The following EIF4G1 variants were observed in gnomAD, a reference collection of about 807,000 sequenced individuals.
EIF4G1 encodes EIF4-gamma.
EIF4G1 carries 4 observed loss-of-function variants against 187.8 expected under a neutral mutation model. The observed-to-expected ratio is 0.02, with a 90% CI of 0.01 to 0.05. The LOEUF (loss-of-function observed/expected upper bound fraction) is 0.05, where lower values mean the gene tolerates loss of function less well. EIF4G1 is among the 10% of genes least tolerant of loss of function. The pLI, the probability that EIF4G1 is intolerant of heterozygous loss-of-function variation, is 1.00. For missense variants in EIF4G1, 1,647 were observed against 2,081.1 expected (o/e 0.79, Z 4.06); for synonymous variants, 844 against 781.4 (o/e 1.08, Z -1.34).
At position 184,321,540 on chromosome 3, in the gene EIF4G1, C is replaced by G. The variant is rs1209748965; in HGVS notation, c.956C>G (p.Pro319Arg). 3 of 1,614,116 alleles carry G rather than the reference C, an allele frequency of 1.9e-6. No homozygotes were observed. In the South Asian group the frequency reaches 3.3e-5, roughly 18 times the overall value. ...TATCGCCTCTCTCCAGAACCCACTCCTCTCGCCGAACCCATACTGGAAGTA... is the reference window on the plus strand; with the variant it reads ...TATCGCCTCTCTCCAGAACCCACTCGTCTCGCCGAACCCATACTGGAAGTA... ...EPYRLSPEPTPLAEPILEVEV... is the reference protein window; with the variant it reads ...EPYRLSPEPTRLAEPILEVEV... Residue 319 changes from proline to arginine, a missense_variant, in exon 10 of 33, where the codon CCT (proline) becomes CGT (arginine). By Grantham distance (103) the Pro-to-Arg change is moderately radical. Coordinates refer to ENST00000346169, the MANE Select transcript of EIF4G1 (RefSeq NM_198241.3).
Position 184,322,041 on chromosome 3 carries a change from C to G in EIF4G1, c.1457C>G (p.Pro486Arg), listed in dbSNP as rs754719526. The G allele has an allele frequency of 1.9e-6, 3 of 1,614,110 alleles. No individual in the cohort carries two copies. Among genetic ancestry groups the G allele is most frequent in the African/African-American group, 1.3e-5 (1 of 75,038 alleles). Residue 486 changes from proline (P) to arginine (R), a missense_variant, in exon 10 of 33, where the codon CCA becomes CGA. Physicochemically the swap from Pro to Arg is moderately radical, Grantham distance 103. Transcript: ENST00000346169. ...SEKGGEELLP[P>R]ESTPIPANLS... Reference sequence around the variant, plus strand: ...AAAGGAGGAGAGGAACTGCTCCCCCCAGAGAGTACCCCTATTCCAGCCAAC... The same window carrying G: ...AAAGGAGGAGAGGAACTGCTCCCCCGAGAGAGTACCCCTATTCCAGCCAAC...
rs1724803371 is a variant in EIF4G1, at chr3:184,325,967, G to A, written c.3222+16G>A. On this transcript the variant is annotated intron_variant, in intron 21 of 32. Transcript: ENST00000346169. The surrounding 1 kb of genome is among the most constrained non-coding windows in gnomAD (Gnocchi z 5.2). ...GATCACCAAGGTAGGGGTGTGTGTG[G>A]GAGTGGGTGATTCAGCTCAGGTTTA... 2 of 1,612,920 alleles carry A rather than the reference G, an allele frequency of 1.2e-6. No homozygotes were observed. Among genetic ancestry groups the A allele is most frequent in the Admixed American group, 3.3e-5 (2 of 59,994 alleles).
At chr3:184,321,211 G>A in intron 9 of EIF4G1, 71 bp from the exon 10 acceptor site, 1 of 1,594,340 alleles carries the variant, frequency 6.3e-7, no homozygotes, top group African/African-American at 1.3e-5. Flanking sequence ...TGCCTGGGCT[G>A]GAGGATGGGG....
chr3:184,327,930 G>A lies in EIF4G1; in HGVS notation c.3881G>A (p.Arg1294His), dbSNP rs1428683814. The A allele has an allele frequency of 4.3e-6, 7 of 1,612,714 alleles. No individual in the cohort carries two copies. The highest frequency in any genetic ancestry group is 5.1e-6 in the Non-Finnish European group (6 of 1,180,028). ...ESTLERSAIA[R>H]EHMGQLLHQL... ...ACGCTGGAGCGCAGTGCCATTGCTC[G>A]TGAGCATATGGGGCAGCTGCTGCAC... The change falls in exon 26 of 33, where the codon CGT (arginine) becomes CAT (histidine). Residue 1294 changes from arginine to histidine, a missense_variant. Around this residue, in one of 11 missense-constraint regions of EIF4G1, gnomAD observed 543 missense variants for 638.0 expected, o/e 0.85. Coordinates refer to ENST00000346169, the MANE Select transcript of EIF4G1 (RefSeq NM_198241.3).
rs1357735816 is a variant in EIF4G1, at chr3:184,331,795, A to C, written c.4463A>C (p.Tyr1488Ser). The C allele has an allele frequency of 1.9e-6, 3 of 1,614,176 alleles. No homozygotes were observed. Among genetic ancestry groups the C allele is most frequent in the Non-Finnish European group, 2.5e-6 (3 of 1,180,038 alleles). Residue 1488 changes from tyrosine (Y) to serine (S), a missense_variant, in exon 31 of 33, where the codon TAT (tyrosine) becomes TCT (serine). Tyr to Ser is a moderately radical substitution (Grantham distance 144). Coordinates refer to ENST00000346169, the MANE Select transcript of EIF4G1 (RefSeq NM_198241.3). ...LVRALMTAVC[Y>S]SAIIFETPLR... ...CGAGCCCTCATGACGGCTGTCTGCT[A>C]TTCTGCAATTATTTGTAAGAGGAAC... is the stretch of plus-strand genomic sequence containing the variant.
At position 184,321,291 on chromosome 3, in the gene EIF4G1, C is replaced by T; in HGVS notation, c.707C>T (p.Ser236Leu). 1 of 1,614,130 alleles carries T rather than the reference C, an allele frequency of 6.2e-7. No individual in the cohort carries two copies. Among genetic ancestry groups the T allele is most frequent in the Non-Finnish European group, 8.5e-7 (1 of 1,180,040 alleles). The change falls in exon 10 of 33, where the codon TCA becomes TTA. Residue 236 changes from serine to leucine, a missense_variant. Ser to Leu is a moderately radical substitution (Grantham distance 145). Transcript: ENST00000346169. ...CCTTCCTATGGTGCAGATGACCGGT[C>T]ACAGGGAGCAATCATTGCTGACCGG... is the stretch of plus-strand genomic sequence containing the variant. ...VAVIVRPDDR[S>L]QGAIIADRPG... is the part of the protein sequence containing the mutation.
rs199812237 is a variant in EIF4G1 at position 184,321,648 on chromosome 3, C to T, written c.1064C>T (p.Thr355Ile). The T allele has an allele frequency of 4.8e-4, 774 of 1,609,428 alleles. 10 individuals carry two copies. In the South Asian group the frequency reaches 8.0e-3, roughly 17 times the overall value. The change falls in exon 10 of 33, where the codon ACA becomes ATA. Residue 355 changes from threonine to isoleucine, a missense_variant. Around this residue, in one of 11 missense-constraint regions of EIF4G1, gnomAD observed 522 missense variants for 485.2 expected, o/e 1.08. Coordinates refer to ENST00000346169, the MANE Select transcript of EIF4G1 (RefSeq NM_198241.3). ...GCTCCCACCCCTTTGGCATCTCACA[C>T]AGTGGAAATTCATGAGCCTAATGGC... ...LQAPTPLASH[T>I]VEIHEPNGMV...
Position 184,319,812 on chromosome 3 carries a change from G to A in EIF4G1, c.537+11G>A, listed in dbSNP as rs1452716493. On this transcript the variant is annotated intron_variant, in intron 7 of 32. Transcript: ENST00000346169. ...AGGGAGCGTAAGACGGTGAGTAGCA[G>A]TGAGGGGCTCCGGGACATCTGGGAA... 1 of 1,557,938 alleles carries A rather than the reference G, an allele frequency of 6.4e-7. No homozygotes were observed. Among genetic ancestry groups the A allele is most frequent in the Admixed American group, 1.8e-5 (1 of 55,586 alleles).
In EIF4G1 at chr3:184,320,923, G is replaced by A. The variant is rs777035031; in HGVS notation, c.631-4G>A. ...CAAACTTGGTAACCCTTTGTGTCCT[G>A]CAGACGGGAGGCGGTCTGGAGCCTC... is the stretch of plus-strand genomic sequence containing the variant. On this transcript the variant is annotated splice_region_variant and splice_polypyrimidine_tract_variant and intron_variant, in intron 8 of 32. Transcript: ENST00000346169. 2 of 1,614,196 alleles carry A rather than the reference G, an allele frequency of 1.2e-6. No individual in the cohort carries two copies. Among genetic ancestry groups the A allele is most frequent in the African/African-American group, 1.3e-5 (1 of 75,070 alleles).
In EIF4G1 at chr3:184,322,440, C is replaced by T; in HGVS notation, c.1598C>T (p.Ala533Val). 6.2e-7 allele frequency: 1 copy of T among 1,614,066 alleles called. No individual in the cohort carries two copies. Among genetic ancestry groups the T allele is most frequent in the Non-Finnish European group, 8.5e-7 (1 of 1,180,000 alleles). Residue 533 changes from alanine to valine, a missense_variant, in exon 11 of 33, where the codon GCC becomes GTC. Around this residue, in one of 11 missense-constraint regions of EIF4G1, gnomAD observed 522 missense variants for 485.2 expected, o/e 1.08. Coordinates refer to ENST00000346169, the MANE Select transcript of EIF4G1 (RefSeq NM_198241.3). ...GAGGCTGTTGGAGACCTTCTGGATGCCTTCAAGGAGGTAAGGGAGCAGAAA... is the reference window on the plus strand; with the variant it reads ...GAGGCTGTTGGAGACCTTCTGGATGTCTTCAAGGAGGTAAGGGAGCAGAAA... ...KKEAVGDLLD[A>V]FKEANPAVPE...
rs755673289 is a variant in EIF4G1, at chr3:184,322,806, C to G, written c.1796-15C>G. 1 of 1,614,196 alleles carries G rather than the reference C, an allele frequency of 6.2e-7. No individual in the cohort carries two copies. Among genetic ancestry groups the G allele is most frequent in the Admixed American group, 1.7e-5 (1 of 60,028 alleles). Reference sequence around the variant, plus strand: ...GAGGAGGCAGTATGATTGCTTCATTCTGTTTTCCTTGCAGATCAGTGGAAG... The same window carrying G: ...GAGGAGGCAGTATGATTGCTTCATTGTGTTTTCCTTGCAGATCAGTGGAAG... On this transcript the variant is annotated splice_polypyrimidine_tract_variant and intron_variant, in intron 12 of 32. Transcript: ENST00000346169.
Position 184,323,759 on chromosome 3 carries a change from T to G in EIF4G1, c.2275-21T>G. 1 of 1,613,122 alleles carries G rather than the reference T, an allele frequency of 6.2e-7. No individual in the cohort carries two copies. Among genetic ancestry groups the G allele is most frequent in the Non-Finnish European group, 8.5e-7 (1 of 1,180,030 alleles). On this transcript the variant is annotated intron_variant, in intron 15 of 32. Transcript: ENST00000346169. This position sits in a 1 kb window ranked among gnomAD's most constrained non-coding sequence, Gnocchi z 6.9. The stretch of plus-strand genomic sequence containing the variant: ...CCTGTTCTGAGACCCTCACTGGAAC[T>G]CTTGTCTCTTCTCCCTCCAGGACCT...
chr3:184,326,279 A>T (rs963407368), intron 21 of EIF4G1, among the ~76,000 whole-genome samples: 1 of 152,248 alleles, frequency 6.6e-6, no homozygotes, highest in Non-Finnish European at 1.5e-5. Flanking sequence ...GAAATTAAAT[A>T]AAATGTAAAT....
chr3:184,316,732 A>C, intron 4 of EIF4G1: 1 of 1,596,110 alleles, frequency 6.3e-7, no homozygotes, highest in East Asian at 2.2e-5. Context: ...AGGTCTCTGC[A>C]GGTAATATCC....
At chr3:184,319,538 T>TGGGGG (rs1723471605) in intron 6 of EIF4G1, 151 bp from the exon 7 acceptor site, 1 of 652,656 alleles carries the variant, frequency 1.5e-6, no homozygotes, top group Non-Finnish European at 2.9e-6. Flanking sequence ...GACAGACACC[T>TGGGGG]AATTCCCTGG....
Position 184,322,705 on chromosome 3 carries a change from G to C in EIF4G1, c.1770G>C (p.Gly590=), listed in dbSNP as rs749044426. 1 of 1,614,178 alleles carries C rather than the reference G, an allele frequency of 6.2e-7. No homozygotes were observed. The part of the protein sequence containing the change: ...KIHNAENIQP[G]EQKYEYKSDQ... ...ACAATGCTGAGAACATCCAGCCCGGGGAACAGAAGTATGAATATAAGTCAG... is the reference window on the plus strand; with the variant it reads ...ACAATGCTGAGAACATCCAGCCCGGCGAACAGAAGTATGAATATAAGTCAG... Residue 590 remains glycine (G), a synonymous_variant, in exon 12 of 33, where the codon GGG becomes GGC. Transcript: ENST00000346169.
At chr3:184,319,655 T>C (rs1408229935) in intron 6 of EIF4G1, 34 bp from the exon 7 acceptor site, 2 of 1,363,798 alleles carry the variant, frequency 1.5e-6, no homozygotes, top group South Asian at 1.2e-5. Context: ...GCCCTGACGC[T>C]ACCACCATTC....
intron 6 of EIF4G1, 56 bp from the exon 7 acceptor site, chr3:184,319,633 G>C (rs1233461768): frequency 8.6e-7 from 1 of 1,159,220 alleles, no homozygotes; most frequent in African/African-American, 1.5e-5. Flanking sequence ...GCAGGCATTA[G>C]TATATGGTTG....
At chr3:184,331,216 C>A in intron 28 of EIF4G1, 50 bp from the exon 29 acceptor site, 1 of 1,593,420 alleles carries the variant, frequency 6.3e-7, no homozygotes, top group South Asian at 1.1e-5. Flanking sequence ...GCTGTTGGGT[C>A]CTTGGAGAGA....
Sources: allele counts gnomAD v4.1 joint callset (sites outside exome capture counted in the v4.1 genomes callset), GRCh38; gene constraint gnomAD v4.1.1; regional missense constraint gnomAD v4.1.1; non-coding constraint Gnocchi (gnomAD v3.1); transcripts MANE v1.5; gene names NCBI Gene and HGNC (gene_info 2026-07-23, HGNC 2026-07-21).